The following CAMTA1 variants were observed in gnomAD, a reference collection of about 807,000 sequenced individuals.
CAMTA1 encodes calmodulin binding transcription activator 1.
Under a neutral mutation model 170.9 loss-of-function variants are expected in CAMTA1, and 27 were observed. The observed-to-expected ratio is 0.16, with a 90% CI of 0.12 to 0.22. The LOEUF (loss-of-function observed/expected upper bound fraction) is 0.22, where lower values mean the gene tolerates loss of function less well. Among genes scored for constraint, CAMTA1 ranks in the 10% least tolerant of loss-of-function variants. The pLI is 1.00. For missense variants in CAMTA1, 1,619 were observed against 2,217.2 expected (o/e 0.73, Z 5.42); for synonymous variants, 833 against 891.5 (o/e 0.93, Z 1.17).
chr1:7,732,621 C>A lies in CAMTA1; in HGVS notation c.3066+22C>A. On this transcript the variant is annotated intron_variant, in intron 12 of 22. Transcript: ENST00000303635. This position sits in a 1 kb window ranked among gnomAD's most constrained non-coding sequence, Gnocchi z 4.1. ...ACAGGTACGAGGCGGTGCTGATGCT[C>A]AGCTCCCATTTCGCTTCATGTTTAT... 1 of 1,563,844 alleles carries A rather than the reference C, an allele frequency of 6.4e-7. No homozygotes were observed. Among genetic ancestry groups the A allele is most frequent in the South Asian group, 1.2e-5 (1 of 84,378 alleles).
Position 7,044,505 on chromosome 1 carries a change from C to T in CAMTA1, c.235-46799C>T, listed in dbSNP as rs1705032874. 6.6e-6 allele frequency among the ~76,000 whole-genome samples: 1 copy of T among 152,220 alleles called. No homozygotes were observed. The highest frequency in any genetic ancestry group is 1.5e-5 in the Non-Finnish European group (1 of 68,044). ...TGTAACCGATGGCACAAACACCAGGCCTTCAGCAGGGCCATAAGCATCTGA... is the reference window on the plus strand; with the variant it reads ...TGTAACCGATGGCACAAACACCAGGTCTTCAGCAGGGCCATAAGCATCTGA... On this transcript the variant is annotated intron_variant, in intron 3 of 22. Coordinates refer to ENST00000303635, the MANE Select transcript of CAMTA1 (RefSeq NM_015215.4). This position sits in a 1 kb window ranked among gnomAD's most constrained non-coding sequence, Gnocchi z 5.0.
intron 5 of CAMTA1, among the ~76,000 whole-genome samples, chr1:7,272,703 A>AG: frequency 6.8e-6 from 1 of 146,744 alleles, no homozygotes; most frequent in Non-Finnish European, 1.5e-5. Context: ...AAAAAAAAAA[A>AG]AAAAAAAAAA....
At chr1:7,223,374 A>G (rs1661162409) in intron 4 of CAMTA1, among the ~76,000 whole-genome samples, 1 of 151,860 alleles carries the variant, frequency 6.6e-6, no homozygotes, top group East Asian at 1.9e-4. Flanking sequence ...GTGTGAGTGT[A>G]TGCATGCGTG....
intron 6 of CAMTA1, among the ~76,000 whole-genome samples, chr1:7,631,114 T>C (rs1282290812): frequency 3.3e-5 from 5 of 152,156 alleles, no homozygotes; most frequent in South Asian, 2.1e-4. Flanking sequence ...TGTGGGCCCT[T>C]GATGTGGAGA....
At chr1:6,898,033 G>A (rs1221265618) in intron 3 of CAMTA1, among the ~76,000 whole-genome samples, 1 of 152,172 alleles carries the variant, frequency 6.6e-6, no homozygotes, top group African/African-American at 2.4e-5. Flanking sequence ...CGAATCCAAA[G>A]TTGTTTACCC....
chr1:7,551,444 C>T (rs74055126), intron 6 of CAMTA1, among the ~76,000 whole-genome samples: 2,918 of 152,334 alleles, frequency 0.019, 93 homozygotes, highest in African/African-American at 0.065. Flanking sequence ...AGTTCCCAGA[C>T]GCTTGTTCCT....
chr1:6,810,358 G>A (rs1246016262), intron 1 of CAMTA1, among the ~76,000 whole-genome samples: 1 of 152,216 alleles, frequency 6.6e-6, no homozygotes. Context: ...TGCCCCAGGG[G>A]CCTCTGCAAC....
intron 5 of CAMTA1, among the ~76,000 whole-genome samples, chr1:7,413,471 T>C (rs1274984907): frequency 6.6e-6 from 1 of 152,160 alleles, no homozygotes; most frequent in Non-Finnish European, 1.5e-5. Flanking sequence ...AGGTCCTTCA[T>C]GTCCCTTGTA....
intron 6 of CAMTA1, among the ~76,000 whole-genome samples, chr1:7,508,875 C>A (rs934818964): frequency 6.6e-6 from 1 of 152,208 alleles, no homozygotes; most frequent in African/African-American, 2.4e-5. Flanking sequence ...TGCAAACCTT[C>A]TCCCCCTCTT....
At chr1:7,375,296 T>C (rs2150081347) in intron 5 of CAMTA1, among the ~76,000 whole-genome samples, 2 of 152,226 alleles carry the variant, frequency 1.3e-5, no homozygotes, top group South Asian at 4.1e-4. Flanking sequence ...TGCAGGGCCA[T>C]TGTCCTCAGC....
intron 4 of CAMTA1, among the ~76,000 whole-genome samples, chr1:7,111,256 AACTT>A (rs1644021116): frequency 6.6e-6 from 1 of 152,198 alleles, no homozygotes; most frequent in Non-Finnish European, 1.5e-5. Flanking sequence ...TCAACTTGCC[AACTT>A]ACTTCCCCTT....
chr1:7,639,921 T>G (rs2095747390), intron 6 of CAMTA1, among the ~76,000 whole-genome samples: 1 of 152,074 alleles, frequency 6.6e-6, no homozygotes. Context: ...ACCATGCCTG[T>G]GTTGGGGGCA....
In CAMTA1 at chr1:7,752,608, ACTC is replaced by A. The variant is rs1469687765; in HGVS notation, c.4958+78_4958+80del. ...ACCCTGACCTTCTTAACCCTCACTA[ACTC>A]CTATGTAAAGCTAATCCCCCTGCAG... On this transcript the variant is annotated intron_variant, in intron 21 of 22. Transcript: ENST00000303635. 5 of 1,137,012 alleles carry A rather than the reference ACTC, an allele frequency of 4.4e-6. No individual in the cohort carries two copies. In the Admixed American group the frequency reaches 1.0e-4, roughly 23 times the overall value. 70.4% of individuals were successfully genotyped at this position (1,137,012 alleles called of 1,614,324 possible).
rs972434390 is a variant in CAMTA1 at position 7,665,834 on chromosome 1, T to G, written c.2652+635T>G. Among the ~76,000 whole-genome samples, 4 of 152,272 alleles carry G rather than the reference T, an allele frequency of 2.6e-5. No homozygotes were observed. The highest frequency in any genetic ancestry group is 4.4e-5 in the Non-Finnish European group (3 of 68,016). The stretch of plus-strand genomic sequence containing the variant: ...GTCCATCTATGTTTTGCTTTGCTTT[T>G]TTTTTGAAAAGGGGTCCCAGGGTTG... On this transcript the variant is annotated intron_variant, in intron 9 of 22. Transcript: ENST00000303635. The surrounding 1 kb of genome is among the most constrained non-coding windows in gnomAD (Gnocchi z 4.3).
chr1:6,944,859 A>G (rs1158505879), intron 3 of CAMTA1, among the ~76,000 whole-genome samples: 1 of 152,176 alleles, frequency 6.6e-6, no homozygotes, highest in Non-Finnish European at 1.5e-5. Context: ...TCCCAACTCT[A>G]GACTAATGGA....
At chr1:7,687,305 C>T (rs573194004) in intron 11 of CAMTA1, among the ~76,000 whole-genome samples, 102 of 150,598 alleles carry the variant, frequency 6.8e-4, no homozygotes, top group African/African-American at 2.4e-3. Flanking sequence ...GGCTAAGAAA[C>T]GAAGGTGTTT....
At chr1:7,525,856 C>T (rs183296316) in intron 6 of CAMTA1, among the ~76,000 whole-genome samples, 11 of 152,116 alleles carry the variant, frequency 7.2e-5, no homozygotes, top group South Asian at 4.2e-4. Flanking sequence ...CAGCTGCTCA[C>T]GGTCTGAAGA....
intron 5 of CAMTA1, among the ~76,000 whole-genome samples, chr1:7,294,614 A>G (rs780799301): frequency 2.0e-5 from 3 of 152,234 alleles, no homozygotes; most frequent in Non-Finnish European, 4.4e-5. Flanking sequence ...TTCAGCTTCC[A>G]GAGGGAATGC....
chr1:7,581,658 G>A (rs2095261930), intron 6 of CAMTA1, among the ~76,000 whole-genome samples: 2 of 152,220 alleles, frequency 1.3e-5, no homozygotes, highest in South Asian at 2.1e-4. Flanking sequence ...AGGCCATTAG[G>A]GGCAAGTGTT....
Sources: allele counts gnomAD v4.1 joint callset (sites outside exome capture counted in the v4.1 genomes callset), GRCh38; gene constraint gnomAD v4.1.1; non-coding constraint Gnocchi (gnomAD v3.1); transcripts MANE v1.5; gene names NCBI Gene and HGNC (gene_info 2026-07-23, HGNC 2026-07-21).